Variants in ARFGEF2 observed in about 807,000 individuals in gnomAD.
The protein encoded by ARFGEF2 is ARF guanine nucleotide exchange factor 2, also known as brefeldin A-inhibited guanine nucleotide-exchange protein 2.
ARFGEF2 carries 74 observed loss-of-function variants against 219.9 expected under a neutral mutation model. The observed-to-expected ratio is 0.34, with a 90% CI of 0.28 to 0.41. The LOEUF is 0.41. Ranked by LOEUF, ARFGEF2 falls within the 10% of genes least tolerant of loss-of-function variation. The pLI is 1.00. For missense variants in ARFGEF2, 1,743 were observed against 2,218.3 expected (o/e 0.79, Z 4.30); for synonymous variants, 733 against 799.2 (o/e 0.92, Z 1.40).
At chr20:48,948,352 G>A (rs1180000233) in intron 3 of ARFGEF2, among the ~76,000 whole-genome samples, 4 of 152,060 alleles carry the variant, frequency 2.6e-5, no homozygotes, top group Non-Finnish European at 5.9e-5. Flanking sequence ...CATATGACGT[G>A]TCATGCCACC....
At chr20:49,017,126 A>G (rs1243465629) in intron 31 of ARFGEF2, 123 bp from the exon 32 acceptor site, 80 of 955,766 alleles carry the variant, frequency 8.4e-5, no homozygotes, top group Non-Finnish European at 8.3e-5. Flanking sequence ...GCATGGCTTC[A>G]TTAATTAAAA....
intron 6 of ARFGEF2, among the ~76,000 whole-genome samples, chr20:48,955,756 C>G (rs748395299): frequency 6.6e-6 from 1 of 152,094 alleles, no homozygotes; most frequent in Admixed American, 6.6e-5. Context: ...TGGGTCAGAA[C>G]GGAAGTGTGC....
intron 12 of ARFGEF2, 24 bp from the exon 13 acceptor site, chr20:48,974,742 T>C (rs2091250487): frequency 1.3e-6 from 2 of 1,592,016 alleles, no homozygotes; most frequent in Non-Finnish European, 1.7e-6. Flanking sequence ...TTAAGTCTCT[T>C]TCCTGTGTGA....
At position 49,028,600 on chromosome 20, in the gene ARFGEF2, C is replaced by A; in HGVS notation, c.4995C>A (p.Ile1665=). 1 of 1,614,108 alleles carries A rather than the reference C, an allele frequency of 6.2e-7. No individual in the cohort carries two copies. Among genetic ancestry groups the A allele is most frequent in the Non-Finnish European group, 8.5e-7 (1 of 1,179,982 alleles). Residue 1665 remains isoleucine, a synonymous_variant, in exon 37 of 39, where the codon ATC becomes ATA. Transcript: ENST00000371917. ...GCAGCCTGGCCTGTTGTTTGAGGATCCTGTTTCGAATGTATGTTGATGAGA... is the reference window on the plus strand; with the variant it reads ...GCAGCCTGGCCTGTTGTTTGAGGATACTGTTTCGAATGTATGTTGATGAGA... The part of the protein sequence containing the change: ...ETSSLACCLR[I]LFRMYVDENR...
intron 1 of ARFGEF2, among the ~76,000 whole-genome samples, chr20:48,940,231 A>AT (rs1299667372): frequency 2.0e-5 from 3 of 152,250 alleles, no homozygotes; most frequent in Non-Finnish European, 4.4e-5. Context: ...ATTAATTTTA[A>AT]TTCAAAAAAG....
intron 14 of ARFGEF2, among the ~76,000 whole-genome samples, chr20:48,976,732 T>C (rs879548931): frequency 1.3e-5 from 2 of 151,988 alleles, no homozygotes; most frequent in Non-Finnish European, 1.5e-5. Flanking sequence ...GGCGTGAACC[T>C]GGGAGGCGGA....
At chr20:48,928,192 C>CTTT (rs747462352) in intron 1 of ARFGEF2, among the ~76,000 whole-genome samples, 212 of 104,734 alleles carry the variant, frequency 2.0e-3, no homozygotes, top group Non-Finnish European at 2.4e-3. Context: ...GTGTTGCAAT[C>CTTT]TTTTTTTTTT....
chr20:49,011,505 T>A (rs1053915703), intron 27 of ARFGEF2, among the ~76,000 whole-genome samples: 73 of 152,320 alleles, frequency 4.8e-4, no homozygotes, highest in African/African-American at 1.7e-3. Flanking sequence ...GGACTTGCAC[T>A]CGGGCAGTCG....
chr20:48,929,361 T>C (rs2090899188), intron 1 of ARFGEF2, among the ~76,000 whole-genome samples: 1 of 152,238 alleles, frequency 6.6e-6, no homozygotes, highest in Non-Finnish European at 1.5e-5. Flanking sequence ...CAGTGTATAT[T>C]TGTCGTTCTG....
At chr20:49,005,911 C>T (rs2091456574) in intron 26 of ARFGEF2, among the ~76,000 whole-genome samples, 1 of 152,024 alleles carries the variant, frequency 6.6e-6, no homozygotes, top group South Asian at 2.1e-4. Flanking sequence ...GATACCGGGC[C>T]CTGTGAAGCA....
intron 25 of ARFGEF2, among the ~76,000 whole-genome samples, chr20:49,001,852 A>C (rs754492712): frequency 1.3e-5 from 2 of 152,220 alleles, no homozygotes; most frequent in African/African-American, 4.8e-5. Flanking sequence ...AAAATTATAC[A>C]TAGCATTTTG....
At chr20:48,970,558 C>T (rs534057329) in intron 9 of ARFGEF2, among the ~76,000 whole-genome samples, 5 of 151,802 alleles carry the variant, frequency 3.3e-5, no homozygotes, top group East Asian at 1.9e-4. Flanking sequence ...TGCAGTGAGC[C>T]GAGATTTGTG....
chr20:48,964,262 G>A (rs4810901), intron 7 of ARFGEF2, among the ~76,000 whole-genome samples: 37,105 of 152,112 alleles, frequency 0.24, 5,177 homozygotes, highest in East Asian at 0.47. Flanking sequence ...AAAAGTAGCC[G>A]GGCGTGGTGG....
intron 12 of ARFGEF2, among the ~76,000 whole-genome samples, chr20:48,973,761 G>A (rs952206882): frequency 2.0e-5 from 3 of 152,228 alleles, no homozygotes; most frequent in Middle Eastern, 3.4e-3. Context: ...GAGGGTCTCC[G>A]AGCTCCCTGG....
In ARFGEF2 at chr20:49,034,660, A is replaced by G. The variant is rs528241152; in HGVS notation, c.*1461A>G. The G allele has an allele frequency of 1.3e-4, 20 of 152,252 alleles. No homozygotes were observed. The highest frequency in any genetic ancestry group is 4.6e-4 in the African/African-American group (19 of 41,528). The allele number at this position is 152,252 out of a possible 1,614,324, so 9.4% of individuals were successfully genotyped here. On this transcript the variant is annotated 3_prime_UTR_variant, in exon 39 of 39. Coordinates refer to ENST00000371917, the MANE Select transcript of ARFGEF2 (RefSeq NM_006420.3). The stretch of plus-strand genomic sequence containing the variant: ...TGTAAATTGGGTTGTATTGATGTCA[A>G]CTCTGGTGCCTTAGAAGTTAGTAGT...
intron 18 of ARFGEF2, 85 bp downstream of exon 18, chr20:48,988,747 T>G: frequency 1.6e-6 from 2 of 1,230,702 alleles, no homozygotes; most frequent in Non-Finnish European, 2.4e-6. Context: ...GTGATAAATT[T>G]AATGTGCATA....
intron 28 of ARFGEF2, among the ~76,000 whole-genome samples, chr20:49,012,897 A>C (rs1035352105): frequency 3.9e-5 from 6 of 152,176 alleles, no homozygotes; most frequent in African/African-American, 1.4e-4. Context: ...CAGAGTTGCT[A>C]AAGAAATTTC....
rs59427522 is a variant in ARFGEF2, at chr20:48,976,935, CATTTTATTTTATTTT to C, written c.1958+769_1958+783del. The stretch of plus-strand genomic sequence containing the variant: ...GTCTTATTTGTTTTATTTTTTTAGG[CATTTTATTTTATTTT>C]ATTTTATTTTATTTTATTTTATTTT... On this transcript the variant is annotated intron_variant, in intron 14 of 38. Transcript: ENST00000371917. Among the ~76,000 whole-genome samples the C allele has an allele frequency of 5.5e-3, 804 of 146,494 alleles. 6 individuals carry two copies. The highest frequency in any genetic ancestry group is 0.015 in the African/African-American group (569 of 39,170).
chr20:48,936,499 G>A (rs2090958794), intron 1 of ARFGEF2, among the ~76,000 whole-genome samples: 1 of 151,864 alleles, frequency 6.6e-6, no homozygotes, highest in Non-Finnish European at 1.5e-5. Flanking sequence ...CGGACGGGGC[G>A]GTTGCCGGGC....
Sources: allele counts gnomAD v4.1 joint callset (sites outside exome capture counted in the v4.1 genomes callset), GRCh38; gene constraint gnomAD v4.1.1; transcripts MANE v1.5; gene names NCBI Gene and HGNC (gene_info 2026-07-23, HGNC 2026-07-21).